SEMA5A: variants seen among roughly 807,000 people sequenced by gnomAD.
The protein encoded by SEMA5A is semaphorin-5A.
Under a neutral mutation model 135.5 loss-of-function variants are expected in SEMA5A, and 55 were observed. That is an observed-to-expected ratio of 0.41 (90% confidence interval 0.33 to 0.51). The LOEUF is 0.51. SEMA5A is among the 20% of genes least tolerant of loss of function. The pLI is 0.37. For synonymous variants in SEMA5A, 580 were observed against 546.5 expected (o/e 1.06, Z -0.85); for missense variants, 1,290 against 1,419.9 (o/e 0.91, Z 1.47).
intron 21 of SEMA5A, among the ~76,000 whole-genome samples, chr5:9,049,272 C>T (rs1380156724): frequency 6.6e-6 from 1 of 152,140 alleles, no homozygotes; most frequent in African/African-American, 2.4e-5. Context: ...AGAGAGTCTC[C>T]TGCCTCAGCC....
chr5:9,314,668 A>G (rs1752313108), intron 5 of SEMA5A, among the ~76,000 whole-genome samples: 1 of 151,980 alleles, frequency 6.6e-6, no homozygotes, highest in Non-Finnish European at 1.5e-5. Flanking sequence ...ATAGAAACCA[A>G]CAAGGCCTCT....
chr5:9,480,135 G>GCA (rs1291876944), intron 1 of SEMA5A, among the ~76,000 whole-genome samples: 1 of 152,132 alleles, frequency 6.6e-6, no homozygotes, highest in African/African-American at 2.4e-5. Flanking sequence ...GACACGAATA[G>GCA]CACACACACA....
intron 16 of SEMA5A, among the ~76,000 whole-genome samples, chr5:9,072,411 A>G (rs1737818778): frequency 6.6e-6 from 1 of 152,196 alleles, no homozygotes; most frequent in South Asian, 2.1e-4. Flanking sequence ...TGCAAAAATC[A>G]CCCATCACGA....
intron 2 of SEMA5A, among the ~76,000 whole-genome samples, chr5:9,420,958 G>A (rs1383940485): frequency 1.3e-5 from 2 of 152,238 alleles, no homozygotes; most frequent in Non-Finnish European, 2.9e-5. Flanking sequence ...GTAGGTTACA[G>A]TGAGTCGAGA....
chr5:9,176,139 T>C (rs1178932521), intron 11 of SEMA5A, among the ~76,000 whole-genome samples: 1 of 152,200 alleles, frequency 6.6e-6, no homozygotes, highest in Non-Finnish European at 1.5e-5. Context: ...CTGGATCATC[T>C]TGGATGAGCC....
At chr5:9,169,931 A>G (rs991803686) in intron 11 of SEMA5A, among the ~76,000 whole-genome samples, 1 of 152,236 alleles carries the variant, frequency 6.6e-6, no homozygotes. Context: ...TTGCTACAAA[A>G]ATATCAACTT....
At chr5:9,457,244 A>C (rs945421620) in intron 1 of SEMA5A, among the ~76,000 whole-genome samples, 4 of 152,230 alleles carry the variant, frequency 2.6e-5, no homozygotes, top group African/African-American at 9.6e-5. Context: ...CTCTCCTTGA[A>C]GAGGACTTCT....
At chr5:9,371,662 C>A (rs1259914819) in intron 3 of SEMA5A, among the ~76,000 whole-genome samples, 1 of 152,146 alleles carries the variant, frequency 6.6e-6, no homozygotes, top group Non-Finnish European at 1.5e-5. Flanking sequence ...AAATATTTTG[C>A]CAATGTGATT....
At chr5:9,331,279 G>T (rs1354060990) in intron 4 of SEMA5A, among the ~76,000 whole-genome samples, 2 of 152,212 alleles carry the variant, frequency 1.3e-5, no homozygotes, top group African/African-American at 4.8e-5. Flanking sequence ...TAAATTTTAT[G>T]TGAATTTAAA....
At chr5:9,517,087 G>C (rs575312192) in intron 1 of SEMA5A, 2 of 152,260 alleles carry the variant, frequency 1.3e-5, no homozygotes, top group African/African-American at 4.8e-5. Flanking sequence ...ATTAACACTG[G>C]AACATCCATG....
chr5:9,422,342 C>G (rs1021647449), intron 2 of SEMA5A: 1 of 152,142 alleles, frequency 6.6e-6, no homozygotes, highest in Non-Finnish European at 1.5e-5. Context: ...TCTCTGCTGT[C>G]CATAGGATGA....
intron 2 of SEMA5A, among the ~76,000 whole-genome samples, chr5:9,396,388 T>C (rs912226194): frequency 1.3e-5 from 2 of 152,180 alleles, no homozygotes; most frequent in Non-Finnish European, 2.9e-5. Context: ...TATATTTTCT[T>C]GATTTCTGTA....
At chr5:9,537,216 A>G (rs569084751) in intron 1 of SEMA5A, among the ~76,000 whole-genome samples, 3 of 152,330 alleles carry the variant, frequency 2.0e-5, no homozygotes, top group Non-Finnish European at 2.9e-5. Flanking sequence ...ATACAAATCT[A>G]TGATTAAAGG....
intron 12 of SEMA5A, among the ~76,000 whole-genome samples, chr5:9,141,679 A>G (rs1742073816): frequency 6.6e-6 from 1 of 152,216 alleles, no homozygotes; most frequent in African/African-American, 2.4e-5. Flanking sequence ...TGACAATAAC[A>G]TCAACATATA....
At chr5:9,353,162 G>GAAAGGAAAGGAAGGGA (rs368864006) in intron 3 of SEMA5A, among the ~76,000 whole-genome samples, 1 of 23,530 alleles carries the variant, frequency 4.2e-5, no homozygotes, top group Non-Finnish European at 7.4e-5. Flanking sequence ...GAAAGGAAAG[G>GAAAGGAAAGGAAGGGA]AGGGAAAGGA....
intron 3 of SEMA5A, among the ~76,000 whole-genome samples, chr5:9,343,037 C>A (rs575731744): frequency 4.6e-5 from 7 of 152,298 alleles, no homozygotes; most frequent in African/African-American, 1.7e-4. Context: ...GACTGTTAAG[C>A]AAAATCACTA....
rs944861248 is a variant in SEMA5A, at chr5:9,044,716, T to C, written c.2894-132A>G. 1.0e-5 allele frequency: 7 copies of C among 693,830 alleles called. No homozygotes were observed. The Admixed American group carries it at 1.6e-4, about 16-fold the overall frequency. 43.0% of individuals were successfully genotyped at this position (693,830 alleles called of 1,614,324 possible). A position where few individuals can be genotyped will look rare whatever the true frequency, so the allele number is the denominator to read the frequency against. The stretch of plus-strand genomic sequence containing the variant: ...CATTCCAAAATTAAGGAAATTATCA[T>C]TCTTAAGAGTCTTTCATTGGAAATG... On this transcript the variant is annotated intron_variant, in intron 21 of 22. Transcript: ENST00000382496.
At chr5:9,538,002 G>A (rs564521110) in intron 1 of SEMA5A, among the ~76,000 whole-genome samples, 16 of 152,272 alleles carry the variant, frequency 1.1e-4, no homozygotes, top group South Asian at 6.2e-4. Context: ...AGGAAAGCAA[G>A]GTGCCCACAA....
At chr5:9,269,853 C>T (rs533814606) in intron 5 of SEMA5A, among the ~76,000 whole-genome samples, 11 of 152,150 alleles carry the variant, frequency 7.2e-5, no homozygotes, top group South Asian at 2.1e-4. Context: ...TATTAAATTC[C>T]GTATGACAAT....
Sources: gnomAD v4.1 joint callset for allele counts (sites outside exome capture counted in the v4.1 genomes callset) on GRCh38, gnomAD v4.1.1 for gene constraint, MANE v1.5 for transcripts, NCBI Gene and HGNC (gene_info 2026-07-23, HGNC 2026-07-21) for gene names.